The following MYO16 variants were observed in gnomAD, a reference collection of about 807,000 sequenced individuals.
MYO16 encodes unconventional myosin-XVI.
Under a neutral mutation model 205.3 loss-of-function variants are expected in MYO16, and 94 were observed. The ratio of observed to expected loss-of-function variants is 0.46; its 90% CI spans 0.39 to 0.54. The LOEUF (loss-of-function observed/expected upper bound fraction) is 0.54, where lower values mean the gene tolerates loss of function less well. Ranked by LOEUF, MYO16 falls within the 20% of genes least tolerant of loss-of-function variation. MYO16 has a pLI of 0.00. For synonymous variants in MYO16, 988 were observed against 954.0 expected (o/e 1.04, Z -0.66); for missense variants, 2,315 against 2,387.5 (o/e 0.97, Z 0.63).
intron 1 of MYO16, among the ~76,000 whole-genome samples, chr13:108,664,413 A>G (rs1288925243): frequency 6.6e-6 from 1 of 152,052 alleles, no homozygotes; most frequent in Non-Finnish European, 1.5e-5. Flanking sequence ...ACCTCTCTCA[A>G]CTTGGTTTTC....
chr13:109,086,187 T>C (rs964824028), intron 27 of MYO16, among the ~76,000 whole-genome samples: 1 of 152,196 alleles, frequency 6.6e-6, no homozygotes, highest in African/African-American at 2.4e-5. Context: ...AATAACCTTC[T>C]CACAAGCAAT....
chr13:108,637,868 G>GATTA (rs200082855), intron 1 of MYO16, among the ~76,000 whole-genome samples: 3,728 of 151,686 alleles, frequency 0.025, 109 homozygotes, highest in African/African-American at 0.076. Context: ...CAAATAAATA[G>GATTA]ATTAATTAAT....
chr13:108,865,489 T>C (rs1878666457), intron 11 of MYO16, among the ~76,000 whole-genome samples: 1 of 152,068 alleles, frequency 6.6e-6, no homozygotes, highest in Admixed American at 6.6e-5. Flanking sequence ...GTTATTATTG[T>C]TTGCATGCAT....
chr13:109,139,020 A>G (rs186776866), intron 31 of MYO16, among the ~76,000 whole-genome samples: 7 of 152,084 alleles, frequency 4.6e-5, no homozygotes, highest in Non-Finnish European at 8.8e-5. Flanking sequence ...GGGTTTCACC[A>G]TGTTAGCCAG....
chr13:108,898,041 G>T lies in MYO16; in HGVS notation c.1685G>T (p.Gly562Val). The T allele has an allele frequency of 2.5e-6, 4 of 1,613,846 alleles. No individual in the cohort carries two copies. The highest frequency in any genetic ancestry group is 3.4e-6 in the Non-Finnish European group (4 of 1,179,768). Residue 562 changes from glycine to valine, a missense_variant, in exon 15 of 35, where the codon GGA becomes GTA. Transcript: ENST00000457511. ...GTCGTGTGCATCTTAGAAGCCTTTG[G>T]ACATGCCAAGACCACACTTAATGAT... is the stretch of plus-strand genomic sequence containing the variant. ...KHVVCILEAF[G>V]HAKTTLNDLS...
chr13:108,884,289 T>G (rs1879753771), intron 13 of MYO16, among the ~76,000 whole-genome samples: 1 of 152,256 alleles, frequency 6.6e-6, no homozygotes, highest in South Asian at 2.1e-4. Flanking sequence ...AGGGACAGAC[T>G]GATGGGCGCA....
intron 14 of MYO16, among the ~76,000 whole-genome samples, chr13:108,896,124 C>A (rs1034803666): frequency 6.6e-6 from 1 of 152,132 alleles, no homozygotes; most frequent in African/African-American, 2.4e-5. Flanking sequence ...TTATTAATTA[C>A]CTGTAATGTC....
chr13:108,638,532 G>A (rs1880359663), intron 1 of MYO16, among the ~76,000 whole-genome samples: 1 of 151,900 alleles, frequency 6.6e-6, no homozygotes, highest in South Asian at 2.1e-4. Flanking sequence ...CAAATTATTT[G>A]CACATTTTCA....
Position 108,727,468 on chromosome 13 carries a change from C to G in MYO16, c.392C>G (p.Ala131Gly). ...LCARYDNAFIAEILIDRGVNV... is the reference protein window; with the variant it reads ...LCARYDNAFIGEILIDRGVNV... The stretch of plus-strand genomic sequence containing the variant: ...GCTCGGTATGATAATGCCTTCATTG[C>G]AGAAATTCTGATTGACAGAGGAGTC... The change falls in exon 4 of 35, where the codon GCA becomes GGA. Residue 131 changes from alanine to glycine, a missense_variant. Transcript: ENST00000457511. 1 of 1,613,802 alleles carries G rather than the reference C, an allele frequency of 6.2e-7. No individual in the cohort carries two copies. Among genetic ancestry groups the G allele is most frequent in the Non-Finnish European group, 8.5e-7 (1 of 1,179,874 alleles).
In MYO16 at chr13:108,941,216, C is replaced by A. The variant is rs184749816; in HGVS notation, c.1926-16472C>A. On this transcript the variant is annotated intron_variant, in intron 16 of 34. Transcript: ENST00000457511. ...GCCTGATGAGTGGTTTTGGTAGAAT[C>A]TGAAAGAGCATGAATCCATTTCCAG... Among the ~76,000 whole-genome samples the A allele has an allele frequency of 3.0e-3, 451 of 152,176 alleles. 1 individual carries two copies. The highest frequency in any genetic ancestry group is 0.01 in the African/African-American group (429 of 41,508).
chr13:109,127,471 G>A lies in MYO16; in HGVS notation c.3972G>A (p.Arg1324=), dbSNP rs1207204797. The A allele has an allele frequency of 6.2e-7, 1 of 1,613,900 alleles. No homozygotes were observed. ...PRKQPPPKPK[R]DPNTRLSASY... ...AACAGCCCCCGCCCAAGCCAAAGAGGGACCCCAACACCCGGCTGAGTGCTT... is the reference window on the plus strand; with the variant it reads ...AACAGCCCCCGCCCAAGCCAAAGAGAGACCCCAACACCCGGCTGAGTGCTT... Residue 1324 remains arginine (R), a synonymous_variant, in exon 31 of 35, where the codon AGG becomes AGA. Coordinates refer to ENST00000457511, the MANE Select transcript of MYO16 (RefSeq NM_001198950.3). This position sits in a 1 kb window ranked among gnomAD's most constrained non-coding sequence, Gnocchi z 4.2.
intron 16 of MYO16, among the ~76,000 whole-genome samples, chr13:108,947,360 C>G (rs1426047060): frequency 2.0e-5 from 3 of 152,070 alleles, no homozygotes; most frequent in Non-Finnish European, 2.9e-5. Context: ...TGTACAGAAC[C>G]CTCCCTAGGC....
chr13:108,809,721 A>G (rs1007885532), intron 7 of MYO16, among the ~76,000 whole-genome samples: 1 of 152,188 alleles, frequency 6.6e-6, no homozygotes, highest in Non-Finnish European at 1.5e-5. Flanking sequence ...GCAATTCAAC[A>G]TGAGATTTGG....
intron 21 of MYO16, among the ~76,000 whole-genome samples, chr13:109,005,756 C>T (rs1885366689): frequency 6.6e-6 from 1 of 152,078 alleles, no homozygotes; most frequent in Non-Finnish European, 1.5e-5. Flanking sequence ...TACAGCAAGT[C>T]CACCCAGTCC....
At chr13:108,667,821 G>A (rs1466171593) in intron 2 of MYO16, among the ~76,000 whole-genome samples, 1 of 152,160 alleles carries the variant, frequency 6.6e-6, no homozygotes, top group African/African-American at 2.4e-5. Flanking sequence ...ATAGGTGGAA[G>A]ACTCTCCTGA....
intron 4 of MYO16, among the ~76,000 whole-genome samples, chr13:108,754,977 G>A (rs193200147): frequency 1.3e-5 from 2 of 152,260 alleles, no homozygotes; most frequent in East Asian, 3.9e-4. Context: ...GAGACAGAGA[G>A]AGAGAACATG....
intron 5 of MYO16, among the ~76,000 whole-genome samples, chr13:108,786,195 A>C (rs1256682880): frequency 6.6e-6 from 1 of 152,350 alleles, no homozygotes; most frequent in African/African-American, 2.4e-5. Context: ...TTGTCTGCAA[A>C]TCGACCCTTT....
At chr13:108,702,911 G>T (rs554754463) in intron 2 of MYO16, among the ~76,000 whole-genome samples, 58 of 151,928 alleles carry the variant, frequency 3.8e-4, no homozygotes, top group African/African-American at 1.4e-3. Context: ...AATCCCTAGG[G>T]AAATTATGAG....
intron 21 of MYO16, among the ~76,000 whole-genome samples, chr13:108,999,116 G>A (rs1363051274): frequency 6.6e-6 from 1 of 152,152 alleles, no homozygotes; most frequent in Non-Finnish European, 1.5e-5. Flanking sequence ...GGTAATGGTT[G>A]CTATATTAGT....
Sources: allele counts gnomAD v4.1 joint callset (sites outside exome capture counted in the v4.1 genomes callset), GRCh38; gene constraint gnomAD v4.1.1; non-coding constraint Gnocchi (gnomAD v3.1); transcripts MANE v1.5; gene names NCBI Gene and HGNC (gene_info 2026-07-23, HGNC 2026-07-21).